CBX6: variants seen among roughly 807,000 people sequenced by gnomAD.
The protein encoded by CBX6 is chromobox protein homolog 6.
CBX6 carries 7 observed loss-of-function variants against 28.4 expected under a neutral mutation model. The ratio of observed to expected loss-of-function variants is 0.25; its 90% confidence interval spans 0.14 to 0.46. CBX6 has a LOEUF of 0.46. CBX6 is among the 20% of genes least tolerant of loss of function. CBX6 has a pLI of 0.99. For synonymous variants in CBX6, 297 were observed against 273.4 expected, an observed-to-expected ratio of 1.09 and a Z score of -0.85; for missense variants, 512 against 606.1, an observed-to-expected ratio of 0.84 and a Z score of 1.63.
Position 38,866,917 on chromosome 22 carries a change from G to A in CBX6, c.531C>T (p.Asn177=), listed in dbSNP as rs758563138. Reference sequence around the variant, plus strand: ...CAGCGCCCTTGTCGATCACCTTCAGGTTCAGGATGATGCGGTTCCGCTTGG... The same window carrying A: ...CAGCGCCCTTGTCGATCACCTTCAGATTCAGGATGATGCGGTTCCGCTTGG... ...REPKRNRIIL[N]LKVIDKGAGG... Residue 177 remains asparagine, a synonymous_variant, in exon 5 of 5, where the codon AAC becomes AAT. Transcript: ENST00000407418. The surrounding 1 kb of genome is among the most constrained non-coding windows in gnomAD (Gnocchi z 7.5). 1.1e-5 allele frequency: 17 copies of A among 1,605,312 alleles called. No homozygotes were observed. In the Admixed American group the frequency reaches 2.6e-4, roughly 24 times the overall value.
rs1271447236 is a variant in CBX6, at chr22:38,871,647, C to G, written c.179+45G>C. On this transcript the variant is annotated intron_variant, in intron 3 of 4. Transcript: ENST00000407418. The surrounding 1 kb of genome is among the most constrained non-coding windows in gnomAD (Gnocchi z 5.6). ...CCGCTTCCCCGCGCGGCGCCCCAGC[C>G]GAGCCTCGGCCTCGCAGCCCCTGCC... 1.7e-5 allele frequency: 28 copies of G among 1,611,962 alleles called. No individual in the cohort carries two copies. The highest frequency in any genetic ancestry group is 2.3e-5 in the Non-Finnish European group (27 of 1,178,866).
Position 38,867,212 on chromosome 22 carries a change from AG to A in CBX6, c.247-12del. The A allele has an allele frequency of 5.0e-6, 2 of 400,516 alleles. No individual in the cohort carries two copies. The highest frequency in any genetic ancestry group is 1.7e-5 in the South Asian group (1 of 58,212). The allele number at this position is 400,516 out of a possible 1,614,324, so 24.8% of individuals were successfully genotyped here. On this transcript the variant is annotated splice_polypyrimidine_tract_variant and intron_variant, in intron 4 of 4. Coordinates refer to ENST00000407418, the MANE Select transcript of CBX6 (RefSeq NM_014292.5). ...GGCCTGGGCCCGCGCCTGCGGGCAG[AG>A]GGAGGGGTGGGTGGGACCTCAGGAC...
In CBX6 at chr22:38,862,888, T is replaced by C. The variant is rs2093160867; in HGVS notation, c.*3321A>G. ...CCCAGTCCCTGCCGCATTCCCCCAG[T>C]GAAGCAGCTGCGCTTCTCCAAAACC... On this transcript the variant is annotated 3_prime_UTR_variant, in exon 5 of 5. Coordinates refer to ENST00000407418, the MANE Select transcript of CBX6 (RefSeq NM_014292.5). 3 of 152,342 alleles carry C rather than the reference T, an allele frequency of 2.0e-5. No individual in the cohort carries two copies. Among genetic ancestry groups the C allele is most frequent in the Admixed American group, 1.3e-4 (2 of 15,280 alleles). 9.4% of individuals were successfully genotyped at this position (152,342 alleles called of 1,614,324 possible).
Position 38,867,084 on chromosome 22 carries a change from CCTT to C in CBX6, c.361_363del (p.Lys121del). 6.2e-7 allele frequency: 1 copy of C among 1,600,100 alleles called. No homozygotes were observed. Among genetic ancestry groups the C allele is most frequent in the Non-Finnish European group, 8.5e-7 (1 of 1,175,290 alleles). On this transcript the variant is annotated inframe_deletion, in exon 5 of 5. Transcript: ENST00000407418. ...GACATACGGTGGCAGCGGCGGATGT[CCTT>C]CTTGAGCCGGTGCACGGCTGCGCTG...
Position 38,872,103 on chromosome 22 carries a change from G to GC in CBX6, c.69+18dup. On this transcript the variant is annotated intron_variant, in intron 1 of 4. Transcript: ENST00000407418. This position sits in a 1 kb window ranked among gnomAD's most constrained non-coding sequence, Gnocchi z 5.0. ...CCCCGGCTGCGGACAGCGGCGGCCC[G>GC]CCCCGGGCGGCGGCTCACCTTTCGG... 7.3e-7 allele frequency: 1 copy of GC among 1,366,158 alleles called. No homozygotes were observed. The highest frequency in any genetic ancestry group is 9.5e-7 in the Non-Finnish European group (1 of 1,047,366). 84.6% of individuals were successfully genotyped at this position (1,366,158 alleles called of 1,614,324 possible).
In CBX6 at chr22:38,871,880, C is replaced by T. The variant is rs1217911140; in HGVS notation, c.113+22G>A. 1.3e-6 allele frequency: 2 copies of T among 1,537,042 alleles called. No homozygotes were observed. Among genetic ancestry groups the T allele is most frequent in the Non-Finnish European group, 1.8e-6 (2 of 1,139,340 alleles). ...CCCGCTGCCTCCCCTCCCGCGACGC[C>T]CCCGGACCCCGCGACACTCACTTGA... On this transcript the variant is annotated intron_variant, in intron 2 of 4. Transcript: ENST00000407418. The surrounding 1 kb of genome is among the most constrained non-coding windows in gnomAD (Gnocchi z 5.6).
rs2093170691 is a variant in CBX6 at position 38,866,637 on chromosome 22, G to T, written c.811C>A (p.Arg271Ser). 2.0e-6 allele frequency: 3 copies of T among 1,528,684 alleles called. No individual in the cohort carries two copies. Among genetic ancestry groups the T allele is most frequent in the South Asian group, 2.5e-5 (2 of 81,048 alleles). 94.7% of individuals were successfully genotyped at this position (1,528,684 alleles called of 1,614,324 possible). The part of the protein sequence containing the change: ...LAAPAAPYDA[R>S]SSGSSGCPSP... ...GGGCAGCCGGAGGAGCCAGAGCTGCGGGCGTCGTAGGGGGCGGCGGGGGCG... is the reference window on the plus strand; with the variant it reads ...GGGCAGCCGGAGGAGCCAGAGCTGCTGGCGTCGTAGGGGGCGGCGGGGGCG... Residue 271 changes from arginine (R) to serine (S), a missense_variant, in exon 5 of 5, where the codon CGC becomes AGC. By Grantham distance (110) the Arg-to-Ser change is moderately radical (BLOSUM62 -1). Coordinates refer to ENST00000407418, the MANE Select transcript of CBX6 (RefSeq NM_014292.5). This position sits in a 1 kb window ranked among gnomAD's most constrained non-coding sequence, Gnocchi z 7.5.
At chr22:38,869,047 T>G (rs927578436) in intron 4 of CBX6, among the ~76,000 whole-genome samples, 13 of 152,154 alleles carry the variant, frequency 8.5e-5, no homozygotes, top group Non-Finnish European at 4.4e-5. Context: ...TGGCAGCACA[T>G]GAAGCCGGGC....
Position 38,865,448 on chromosome 22 carries a change from AAC to A in CBX6, c.*759_*760del, listed in dbSNP as rs1017635766. 1.3e-5 allele frequency: 2 copies of A among 152,770 alleles called. No homozygotes were observed. The highest frequency in any genetic ancestry group is 6.5e-5 in the Admixed American group (1 of 15,290). 9.5% of individuals were successfully genotyped at this position (152,770 alleles called of 1,614,324 possible). ...CAATGCATGTATGAACCCACGGACA[AAC>A]ACAGCGAGTGGGGCAGACGCACAAC... On this transcript the variant is annotated 3_prime_UTR_variant, in exon 5 of 5. Transcript: ENST00000407418.
At position 38,871,976 on chromosome 22, in the gene CBX6, G is replaced by A; in HGVS notation, c.70-31C>T. 2 of 1,507,354 alleles carry A rather than the reference G, an allele frequency of 1.3e-6. No individual in the cohort carries two copies. The highest frequency in any genetic ancestry group is 1.8e-6 in the Non-Finnish European group (2 of 1,124,316). 93.4% of individuals were successfully genotyped at this position (1,507,354 alleles called of 1,614,324 possible). A position where few individuals can be genotyped will look rare whatever the true frequency, so the allele number is the denominator to read the frequency against. On this transcript the variant is annotated intron_variant, in intron 1 of 4. Coordinates refer to ENST00000407418, the MANE Select transcript of CBX6 (RefSeq NM_014292.5). This position sits in a 1 kb window ranked among gnomAD's most constrained non-coding sequence, Gnocchi z 5.6. ...AAACAGAGGGGAGAAAAACGGGGGT[G>A]GGGGTGGGGAGGATGCGGGGACGCG...
Position 38,867,215 on chromosome 22 carries a change from G to GGC in CBX6, c.247-15_247-14insGC. ...CTGGGCCCGCGCCTGCGGGCAGAGG[G>GGC]AGGGGTGGGTGGGACCTCAGGACTG... On this transcript the variant is annotated splice_polypyrimidine_tract_variant and intron_variant, in intron 4 of 4. Transcript: ENST00000407418. 6.8e-7 allele frequency: 1 copy of GGC among 1,475,408 alleles called. No individual in the cohort carries two copies. Among genetic ancestry groups the GGC allele is most frequent in the Non-Finnish European group, 9.1e-7 (1 of 1,097,126 alleles). 91.4% of individuals were successfully genotyped at this position (1,475,408 alleles called of 1,614,324 possible).
Position 38,866,280 on chromosome 22 carries a change from C to T in CBX6, c.1168G>A (p.Asp390Asn). The change falls in exon 5 of 5, where the codon GAT becomes AAT. Residue 390 changes from aspartate (D) to asparagine (N), a missense_variant. Transcript: ENST00000407418. The surrounding 1 kb of genome is among the most constrained non-coding windows in gnomAD (Gnocchi z 7.5). ...ACCCCAGCAGCCACCTTCTCGAAAT[C>T]CTCAGGGTTGCAGAATTCCTTGATT... ...VTIKEFCNPE[D>N]FEKVAAGVAG... 3.1e-6 allele frequency: 5 copies of T among 1,613,960 alleles called. No individual in the cohort carries two copies. Among genetic ancestry groups the T allele is most frequent in the African/African-American group, 1.3e-5 (1 of 75,048 alleles).
Position 38,866,936 on chromosome 22 carries a change from C to T in CBX6, c.512G>A (p.Arg171Gln), listed in dbSNP as rs1248823255. 4 of 1,608,118 alleles carry T rather than the reference C, an allele frequency of 2.5e-6. No homozygotes were observed. The highest frequency in any genetic ancestry group is 2.5e-6 in the Non-Finnish European group (3 of 1,177,718). Residue 171 changes from arginine to glutamine, a missense_variant, in exon 5 of 5, where the codon CGG becomes CAG. By Grantham distance (43) the Arg-to-Gln change is conservative. Coordinates refer to ENST00000407418, the MANE Select transcript of CBX6 (RefSeq NM_014292.5). This position sits in a 1 kb window ranked among gnomAD's most constrained non-coding sequence, Gnocchi z 7.5. Reference protein sequence around the residue: ...NRKVKPREPKRNRIILNLKVI... With the variant: ...NRKVKPREPKQNRIILNLKVI... The stretch of plus-strand genomic sequence containing the variant: ...CTTCAGGTTCAGGATGATGCGGTTC[C>T]GCTTGGGCTCCCGCGGCTTCACCTT...
In CBX6 at chr22:38,866,681, C is replaced by T. The variant is rs777954166; in HGVS notation, c.767G>A (p.Gly256Asp). Residue 256 changes from glycine to aspartate, a missense_variant, in exon 5 of 5, where the codon GGC (glycine) becomes GAC (aspartate). Gly to Asp is a moderately conservative substitution (Grantham distance 94). Around this residue, in one of 7 missense-constraint regions of CBX6, gnomAD observed 290 missense variants for 274.1 expected, o/e 1.06. Transcript: ENST00000407418. This position sits in a 1 kb window ranked among gnomAD's most constrained non-coding sequence, Gnocchi z 7.5. ...GGGGGCGGCCAGAAGTAGCCCAGGG[C>T]CCGGGGCTGAGGCCTCAGCCTTGCC... is the stretch of plus-strand genomic sequence containing the variant. The part of the protein sequence containing the change: ...SPGKAEASAP[G>D]PGLLLAAPAA... 3.2e-6 allele frequency: 5 copies of T among 1,552,790 alleles called. No homozygotes were observed. Among genetic ancestry groups the T allele is most frequent in the Admixed American group, 1.9e-5 (1 of 52,166 alleles).
At chr22:38,867,228 G>GTGGCC in intron 4 of CBX6, 27 bp from the exon 5 acceptor site, 1 of 518,866 alleles carries the variant, frequency 1.9e-6, no homozygotes, top group Non-Finnish European at 3.6e-6. Flanking sequence ...GGGTGGGTGG[G>GTGGCC]ACCTCAGGAC....
Position 38,863,875 on chromosome 22 carries a change from A to G in CBX6, c.*2334T>C, listed in dbSNP as rs2093163320. 1 of 152,298 alleles carries G rather than the reference A, an allele frequency of 6.6e-6. No individual in the cohort carries two copies. The highest frequency in any genetic ancestry group is 2.4e-5 in the African/African-American group (1 of 41,434). 9.4% of individuals were successfully genotyped at this position (152,298 alleles called of 1,614,324 possible). A position where few individuals can be genotyped will look rare whatever the true frequency, so the allele number is the denominator to read the frequency against. On this transcript the variant is annotated 3_prime_UTR_variant, in exon 5 of 5. Coordinates refer to ENST00000407418, the MANE Select transcript of CBX6 (RefSeq NM_014292.5). ...ATGGCCCAACAACTGGGAAAGGAAC[A>G]GAAGGGGGCAAGAAACCAAACTGCC... is the stretch of plus-strand genomic sequence containing the variant.
At chr22:38,867,681 C>A (rs1327241890) in intron 4 of CBX6, among the ~76,000 whole-genome samples, 2 of 152,246 alleles carry the variant, frequency 1.3e-5, no homozygotes, top group African/African-American at 4.8e-5. Context: ...TCCCTGCTCC[C>A]CCGCACCAAG....
rs1475795797 is a variant in CBX6 at position 38,866,400 on chromosome 22, A to C, written c.1048T>G (p.Ser350Ala). 3 of 1,612,834 alleles carry C rather than the reference A, an allele frequency of 1.9e-6. No individual in the cohort carries two copies. Among genetic ancestry groups the C allele is most frequent in the African/African-American group, 1.3e-5 (1 of 74,898 alleles). The stretch of plus-strand genomic sequence containing the variant: ...CAGTCCCCAGCCTCGGGCTCGGAGG[A>C]GGCACCGGCGGGCTCAGGGGCCGTG... Reference protein sequence around the residue: ...PPTAPEPAGASSEPEAGDWRP... With the variant: ...PPTAPEPAGAASEPEAGDWRP... Residue 350 changes from serine to alanine, a missense_variant, in exon 5 of 5, where the codon TCC becomes GCC. Physicochemically the swap from Ser to Ala is moderately conservative, Grantham distance 99. Coordinates refer to ENST00000407418, the MANE Select transcript of CBX6 (RefSeq NM_014292.5). The surrounding 1 kb of genome is among the most constrained non-coding windows in gnomAD (Gnocchi z 7.5).
rs1376433068 is a variant in CBX6 at position 38,871,846 on chromosome 22, G to T, written c.113+56C>A. 1.9e-6 allele frequency: 3 copies of T among 1,553,504 alleles called. No homozygotes were observed. Among genetic ancestry groups the T allele is most frequent in the African/African-American group, 2.7e-5 (2 of 73,766 alleles). ...GCAAGAGCGCGCACCCCCACCCCAG[G>T]CCCCGGTGCCCGCTGCCTCCCCTCC... On this transcript the variant is annotated intron_variant, in intron 2 of 4. Coordinates refer to ENST00000407418, the MANE Select transcript of CBX6 (RefSeq NM_014292.5). This position sits in a 1 kb window ranked among gnomAD's most constrained non-coding sequence, Gnocchi z 5.6.
Sources: gnomAD v4.1 joint callset for allele counts (sites outside exome capture counted in the v4.1 genomes callset) on GRCh38, gnomAD v4.1.1 for gene constraint, gnomAD v4.1.1 regional missense constraint, Gnocchi (gnomAD v3.1) non-coding constraint, MANE v1.5 for transcripts, NCBI Gene and HGNC (gene_info 2026-07-23, HGNC 2026-07-21) for gene names.